SMYD3: variants seen among roughly 807,000 people sequenced by gnomAD.
SMYD3 encodes the protein histone-lysine N-methyltransferase SMYD3.
Under a neutral mutation model 57.7 loss-of-function variants are expected in SMYD3, and 36 were observed. That is an observed-to-expected ratio of 0.62 (90% CI 0.48 to 0.82). SMYD3 has a LOEUF of 0.82. Among genes scored for constraint, SMYD3 ranks in the 40% least tolerant of loss-of-function variants. SMYD3 has a pLI of 0.00. For synonymous variants in SMYD3, 211 were observed against 195.0 expected, an observed-to-expected ratio of 1.08 and a Z score of -0.68; for missense variants, 515 against 538.8, an observed-to-expected ratio of 0.96 and a Z score of 0.44.
At chr1:246,193,973 A>C (rs149259116) in intron 5 of SMYD3, among the ~76,000 whole-genome samples, 2 of 152,336 alleles carry the variant, frequency 1.3e-5, no homozygotes, top group East Asian at 1.9e-4. Flanking sequence ...GCTGGGGAAC[A>C]AAATGGATAC....
At chr1:246,020,975 C>T (rs2059460613) in intron 5 of SMYD3, among the ~76,000 whole-genome samples, 2 of 152,190 alleles carry the variant, frequency 1.3e-5, no homozygotes, top group Non-Finnish European at 2.9e-5. Context: ...GCTCCCAGAA[C>T]AAACGTGTAT....
chr1:246,032,353 T>C (rs2059692416), intron 5 of SMYD3, among the ~76,000 whole-genome samples: 1 of 152,162 alleles, frequency 6.6e-6, no homozygotes, highest in Admixed American at 6.5e-5. Flanking sequence ...CACCTGGGAA[T>C]CTCTCACTCT....
chr1:245,822,865 T>C (rs1277710205), intron 10 of SMYD3, among the ~76,000 whole-genome samples: 1 of 152,210 alleles, frequency 6.6e-6, no homozygotes, highest in Non-Finnish European at 1.5e-5. Flanking sequence ...GGAAAGACTC[T>C]CTTCAAATCT....
At chr1:246,346,066 A>C (rs12084112) in intron 2 of SMYD3, among the ~76,000 whole-genome samples, 3,270 of 152,178 alleles carry the variant, frequency 0.021, 77 homozygotes, top group East Asian at 0.087. Context: ...GGGTGGATCA[A>C]GAGGTCAGGA....
intron 1 of SMYD3, among the ~76,000 whole-genome samples, chr1:246,486,798 A>C (rs1015455337): frequency 5.9e-5 from 9 of 152,168 alleles, no homozygotes; most frequent in Non-Finnish European, 1.2e-4. Flanking sequence ...CACCACCCCC[A>C]AAAAAACTAA....
intron 1 of SMYD3, among the ~76,000 whole-genome samples, chr1:246,484,017 A>C (rs1309237873): frequency 2.7e-5 from 4 of 147,264 alleles, no homozygotes; most frequent in Non-Finnish European, 4.5e-5. Flanking sequence ...CAAAATACCT[A>C]AACCATTGCA....
At chr1:246,000,871 T>C (rs1378251684) in intron 5 of SMYD3, among the ~76,000 whole-genome samples, 4 of 152,238 alleles carry the variant, frequency 2.6e-5, no homozygotes, top group Non-Finnish European at 5.9e-5. Context: ...TCTTGACTTA[T>C]GACATATGGA....
In SMYD3 at chr1:246,083,602, C is replaced by T. The variant is rs1351081179; in HGVS notation, c.532-153665G>A. 5.9e-5 allele frequency among the ~76,000 whole-genome samples: 9 copies of T among 152,274 alleles called. No individual in the cohort carries two copies. In the East Asian group the frequency reaches 1.2e-3, roughly 20 times the overall value. On this transcript the variant is annotated intron_variant, in intron 5 of 11. Transcript: ENST00000490107. Reference sequence around the variant, plus strand: ...GTCTCTCGTTCCACCCAACAAGAAACGCCCACAAGTGTGGAGGGGCAGGCC... The same window carrying T: ...GTCTCTCGTTCCACCCAACAAGAAATGCCCACAAGTGTGGAGGGGCAGGCC...
At chr1:246,437,435 G>A (rs951756360) in intron 1 of SMYD3, among the ~76,000 whole-genome samples, 3 of 151,936 alleles carry the variant, frequency 2.0e-5, no homozygotes, top group East Asian at 1.9e-4. Context: ...AGGTAAGCAA[G>A]TGCTGATGTC....
At chr1:246,498,387 C>G (rs1472678131) in intron 1 of SMYD3, among the ~76,000 whole-genome samples, 1 of 152,144 alleles carries the variant, frequency 6.6e-6, no homozygotes, top group Non-Finnish European at 1.5e-5. Context: ...AGAGTGATTT[C>G]CAGTAGACAC....
chr1:246,141,046 G>A (rs2061746293), intron 5 of SMYD3, among the ~76,000 whole-genome samples: 1 of 152,164 alleles, frequency 6.6e-6, no homozygotes, highest in Non-Finnish European at 1.5e-5. Flanking sequence ...CTACCCAAGT[G>A]GGCAGGCTTC....
intron 5 of SMYD3, among the ~76,000 whole-genome samples, chr1:246,089,022 C>T (rs1283836477): frequency 1.3e-5 from 2 of 152,138 alleles, no homozygotes; most frequent in South Asian, 2.1e-4. Flanking sequence ...ACTGCACTGT[C>T]ACTCAGGCTG....
At chr1:246,331,052 T>C (rs1192378959) in intron 3 of SMYD3, among the ~76,000 whole-genome samples, 1 of 152,178 alleles carries the variant, frequency 6.6e-6, no homozygotes, top group African/African-American at 2.4e-5. Context: ...GGAGAATCAC[T>C]TGAGCCCAGC....
chr1:246,429,131 C>T (rs1231618994), intron 1 of SMYD3, among the ~76,000 whole-genome samples: 1 of 150,842 alleles, frequency 6.6e-6, no homozygotes, highest in Admixed American at 6.6e-5. Context: ...CCAATGGGAA[C>T]CCACCACAGG....
intron 8 of SMYD3, among the ~76,000 whole-genome samples, chr1:245,901,103 TA>T (rs1243601946): frequency 6.6e-6 from 1 of 152,242 alleles, no homozygotes. Flanking sequence ...TGAGAGCAAC[TA>T]CCTCTCTTGA....
chr1:245,850,214 C>A (rs1050855826), intron 10 of SMYD3, among the ~76,000 whole-genome samples: 17 of 152,252 alleles, frequency 1.1e-4, no homozygotes, highest in African/African-American at 3.9e-4. Context: ...TGGCTCCACC[C>A]CACACGGTCC....
intron 5 of SMYD3, among the ~76,000 whole-genome samples, chr1:246,282,305 C>CAAAAAAAAAAAAAAAAAAAAAA (rs57740230): frequency 1.2e-4 from 8 of 67,926 alleles, no homozygotes; most frequent in East Asian, 7.8e-4. Context: ...CTCATCTCTA[C>CAAAAAAAAAAAAAAAAAAAAAA]AAAAAAAAAA....
chr1:246,308,851 C>T (rs928168471), intron 5 of SMYD3, among the ~76,000 whole-genome samples: 1 of 152,070 alleles, frequency 6.6e-6, no homozygotes, highest in African/African-American at 2.4e-5. Flanking sequence ...TCAAAATGGG[C>T]ACCTAAACTA....
intron 7 of SMYD3, among the ~76,000 whole-genome samples, chr1:245,918,169 CCA>C (rs890174908): frequency 3.3e-5 from 5 of 152,186 alleles, no homozygotes; most frequent in African/African-American, 1.2e-4. Context: ...ACATGCTGCT[CCA>C]CACACAGAAA....
Sources: gnomAD v4.1 joint callset for allele counts (sites outside exome capture counted in the v4.1 genomes callset) on GRCh38, gnomAD v4.1.1 for gene constraint, MANE v1.5 for transcripts, NCBI Gene and HGNC (gene_info 2026-07-23, HGNC 2026-07-21) for gene names.